Variants in CDC42SE2 observed in about 807,000 individuals in gnomAD.
CDC42SE2 encodes CDC42 small effector 2, also known as CDC42 small effector protein 2.
Under a neutral mutation model 11.5 loss-of-function variants are expected in CDC42SE2, and 3 were observed. The observed-to-expected ratio is 0.26, with a 90% CI of 0.12 to 0.67. The LOEUF (loss-of-function observed/expected upper bound fraction) is 0.67. Among genes scored for constraint, CDC42SE2 ranks in the 30% least tolerant of loss-of-function variants. The pLI is 0.80. For missense variants in CDC42SE2, 82 were observed against 106.8 expected, an observed-to-expected ratio of 0.77 and a Z score of 1.02; for synonymous variants, 33 against 34.8, an observed-to-expected ratio of 0.95 and a Z score of 0.18.
At chr5:131,272,198 A>G (rs1757008148) in intron 1 of CDC42SE2, among the ~76,000 whole-genome samples, 1 of 151,796 alleles carries the variant, frequency 6.6e-6, no homozygotes, top group Non-Finnish European at 1.5e-5. Flanking sequence ...TTTTTTTAAT[A>G]GAGACAGGGT....
chr5:131,281,370 G>T (rs1171431546), intron 1 of CDC42SE2, among the ~76,000 whole-genome samples: 1 of 152,164 alleles, frequency 6.6e-6, no homozygotes, highest in Non-Finnish European at 1.5e-5. Context: ...ACTGAGAAAT[G>T]ATGCATTTGT....
chr5:131,223,980 T>C, the CDC42SE2 span, among the ~76,000 whole-genome samples: 59 of 152,194 alleles, frequency 3.9e-4, 1 homozygote, highest in South Asian at 0.012. Flanking sequence ...CACGGATCAT[T>C]CCCTCCTCCT....
At chr5:131,341,373 T>TA (rs1317798311) in intron 2 of CDC42SE2, among the ~76,000 whole-genome samples, 42 of 152,366 alleles carry the variant, frequency 2.8e-4, no homozygotes, top group African/African-American at 1.0e-3. Flanking sequence ...AGTTAGCAGA[T>TA]ACTGAAATAG....
chr5:131,301,150 A>G (rs1437409393), intron 1 of CDC42SE2, among the ~76,000 whole-genome samples: 4 of 152,178 alleles, frequency 2.6e-5, no homozygotes, highest in Non-Finnish European at 5.9e-5. Context: ...GTGGGTGTGT[A>G]TATGTGTTTT....
the CDC42SE2 span, among the ~76,000 whole-genome samples, chr5:131,214,003 A>AAG: frequency 6.6e-6 from 1 of 152,214 alleles, no homozygotes; most frequent in Admixed American, 6.5e-5. Flanking sequence ...ATTCAAAGAC[A>AAG]AGACAGTTTA....
At chr5:131,335,137 A>G (rs996135256) in intron 2 of CDC42SE2, among the ~76,000 whole-genome samples, 2 of 152,084 alleles carry the variant, frequency 1.3e-5, no homozygotes, top group Admixed American at 6.6e-5. Flanking sequence ...CACTGCTTTG[A>G]ATGTGTCCCA....
intron 1 of CDC42SE2, among the ~76,000 whole-genome samples, chr5:131,315,258 C>G (rs1758017320): frequency 6.6e-6 from 1 of 152,038 alleles, no homozygotes; most frequent in Non-Finnish European, 1.5e-5. Flanking sequence ...AAAAACAGAC[C>G]TGAGGTCACA....
At chr5:131,217,945 C>T in the CDC42SE2 span, among the ~76,000 whole-genome samples, 4 of 152,052 alleles carry the variant, frequency 2.6e-5, no homozygotes, top group Non-Finnish European at 4.4e-5. Context: ...GAGGCCGAGG[C>T]GGGTGGATTG....
At chr5:131,266,460 C>CTTTT in intron 1 of CDC42SE2, among the ~76,000 whole-genome samples, 1 of 128,188 alleles carries the variant, frequency 7.8e-6, no homozygotes, top group Non-Finnish European at 1.7e-5. Context: ...TTTTTTTTTT[C>CTTTT]TTTTTTTTTT....
intron 1 of CDC42SE2, among the ~76,000 whole-genome samples, chr5:131,306,310 C>T (rs925711457): frequency 1.3e-5 from 2 of 152,146 alleles, no homozygotes; most frequent in South Asian, 2.1e-4. Flanking sequence ...GGTCTTGGAA[C>T]GTATCCCTCA....
chr5:131,299,832 T>C lies in CDC42SE2; in HGVS notation c.-454-16144T>C, dbSNP rs182865324. On this transcript the variant is annotated intron_variant, in intron 1 of 4. Coordinates refer to ENST00000505065, the MANE Select transcript of CDC42SE2 (RefSeq NM_001375635.1). ...GGACAAAACCCTTAAGAACTATTAATGTAATGTTAGTTTTTGAGCCTTTGG... is the reference window on the plus strand; with the variant it reads ...GGACAAAACCCTTAAGAACTATTAACGTAATGTTAGTTTTTGAGCCTTTGG... 9.2e-5 allele frequency among the ~76,000 whole-genome samples: 14 copies of C among 152,288 alleles called. No individual in the cohort carries two copies. In the East Asian group the frequency reaches 2.3e-3, roughly 25 times the overall value.
intron 2 of CDC42SE2, among the ~76,000 whole-genome samples, chr5:131,352,445 A>G (rs1364756578): frequency 6.6e-6 from 1 of 152,228 alleles, no homozygotes; most frequent in Admixed American, 6.5e-5. Context: ...AAAAGAGTGC[A>G]TGCTGTATAA....
At chr5:131,386,750 C>T (rs930785418) in intron 4 of CDC42SE2, among the ~76,000 whole-genome samples, 3 of 152,188 alleles carry the variant, frequency 2.0e-5, no homozygotes, top group Non-Finnish European at 2.9e-5. Flanking sequence ...CTCTTTTCCC[C>T]ATGCCTAAAG....
intron 2 of CDC42SE2, among the ~76,000 whole-genome samples, chr5:131,256,143 A>G (rs775602167): frequency 3.9e-5 from 6 of 152,222 alleles, no homozygotes; most frequent in Non-Finnish European, 7.3e-5. Flanking sequence ...CCAGCTTGTT[A>G]CTTCAAAATA....
chr5:131,263,117 T>G (rs529945200), upstream of CDC42SE2, among the ~76,000 whole-genome samples: 2 of 133,382 alleles, frequency 1.5e-5, no homozygotes, highest in East Asian at 2.1e-4. Flanking sequence ...TTTTTTTTTT[T>G]GTAGAGACAG....
intron 1 of CDC42SE2, among the ~76,000 whole-genome samples, chr5:131,249,881 T>C (rs1354541923): frequency 6.6e-6 from 1 of 151,758 alleles, no homozygotes; most frequent in Non-Finnish European, 1.5e-5. Context: ...AGATGCTGTC[T>C]CTAAAAAAAA....
At chr5:131,312,597 G>A (rs1234700526) in intron 1 of CDC42SE2, among the ~76,000 whole-genome samples, 1 of 152,148 alleles carries the variant, frequency 6.6e-6, no homozygotes, top group Non-Finnish European at 1.5e-5. Flanking sequence ...GCGATACTCC[G>A]TGGGCGTAGG....
chr5:131,341,633 A>G (rs1035195717), intron 2 of CDC42SE2, among the ~76,000 whole-genome samples: 8 of 152,216 alleles, frequency 5.3e-5, no homozygotes, highest in Non-Finnish European at 1.2e-4. Context: ...GGAAGAAACC[A>G]AAAGAATATT....
chr5:131,374,221 T>C (rs1750086225), intron 3 of CDC42SE2, among the ~76,000 whole-genome samples: 1 of 152,170 alleles, frequency 6.6e-6, no homozygotes, highest in African/African-American at 2.4e-5. Flanking sequence ...CTTAGCTATT[T>C]AATCGGTTAT....
Sources: allele counts gnomAD v4.1 joint callset (sites outside exome capture counted in the v4.1 genomes callset), GRCh38; gene constraint gnomAD v4.1.1; transcripts MANE v1.5; gene names NCBI Gene and HGNC (gene_info 2026-07-23, HGNC 2026-07-21).